FBLN7: variants seen among roughly 807,000 people sequenced by gnomAD.
The protein encoded by FBLN7 is fibulin 7.
Under a neutral mutation model 44.0 loss-of-function variants are expected in FBLN7, and 31 were observed. That is an observed-to-expected ratio of 0.70 (90% CI 0.53 to 0.95). The LOEUF (loss-of-function observed/expected upper bound fraction) is 0.95, where lower values mean the gene tolerates loss of function less well. FBLN7 is among the 40% of genes least tolerant of loss of function. The probability of loss-of-function intolerance (pLI) is 0.00; values close to 1 mark genes in which losing one functional copy is unlikely to be tolerated. For synonymous variants in FBLN7, 262 were observed against 253.4 expected (o/e 1.03, Z -0.32); for missense variants, 573 against 618.5 (o/e 0.93, Z 0.78).
chr2:112,142,412 C>T (rs1680691661), intron 1 of FBLN7, among the ~76,000 whole-genome samples: 1 of 152,182 alleles, frequency 6.6e-6, no homozygotes, highest in South Asian at 2.1e-4. Flanking sequence ...CACTATAGGG[C>T]TCCAGGGGCA....
At chr2:112,167,112 A>C (rs959115374) in intron 3 of FBLN7, among the ~76,000 whole-genome samples, 11 of 152,244 alleles carry the variant, frequency 7.2e-5, no homozygotes, top group African/African-American at 2.4e-4. Context: ...GCGAAAGCAC[A>C]TCTTACTTAT....
At chr2:112,238,299 A>C in the FBLN7 span, 1 of 1,607,748 alleles carries the variant, frequency 6.2e-7, no homozygotes, top group Non-Finnish European at 8.5e-7. Context: ...AAATGATAAA[A>C]TAGTTTGACT....
At chr2:112,150,395 C>T (rs975593638) in intron 1 of FBLN7, among the ~76,000 whole-genome samples, 8 of 152,040 alleles carry the variant, frequency 5.3e-5, no homozygotes, top group Admixed American at 1.3e-4. Flanking sequence ...AAAAAAAATG[C>T]ATCCAGAGAA....
At chr2:112,172,873 A>G (rs1473957712) in intron 3 of FBLN7, among the ~76,000 whole-genome samples, 1 of 151,844 alleles carries the variant, frequency 6.6e-6, no homozygotes, top group Non-Finnish European at 1.5e-5. Context: ...GCCTCAAGTG[A>G]TCCACCCGCC....
At chr2:112,153,629 G>A (rs1019038541) in intron 1 of FBLN7, among the ~76,000 whole-genome samples, 8 of 152,246 alleles carry the variant, frequency 5.3e-5, no homozygotes, top group African/African-American at 1.4e-4. Context: ...TGGATGGGAT[G>A]AGAGGGGTCA....
intron 4 of FBLN7, chr2:112,176,449 C>A (rs905668909): frequency 2.0e-5 from 3 of 152,382 alleles, no homozygotes; most frequent in Admixed American, 1.3e-4. Flanking sequence ...TTTCATTCAG[C>A]CCCAAAGATA....
At chr2:112,232,259 C>T in the FBLN7 span, among the ~76,000 whole-genome samples, 7 of 143,222 alleles carry the variant, frequency 4.9e-5, no homozygotes, top group East Asian at 2.0e-4. Flanking sequence ...GAGGTTGCAG[C>T]GAACCAAGAT....
intron 3 of FBLN7, among the ~76,000 whole-genome samples, chr2:112,169,842 G>A (rs1001479992): frequency 6.6e-6 from 1 of 152,166 alleles, no homozygotes; most frequent in Non-Finnish European, 1.5e-5. Context: ...GAGCAGTTGA[G>A]GGCCTCTGAG....
In FBLN7 at chr2:112,187,893, G is replaced by T; in HGVS notation, c.*387G>T. On this transcript the variant is annotated 3_prime_UTR_variant, in exon 8 of 8. Coordinates refer to ENST00000331203, the MANE Select transcript of FBLN7 (RefSeq NM_153214.3). The surrounding 1 kb of genome is among the most constrained non-coding windows in gnomAD (Gnocchi z 5.1). ...CTATCAGCCCTTCTGCCTTTTTGTA[G>T]CCAGGCTTGCTATGAATGAAACGGT... 3.1e-6 allele frequency: 1 copy of T among 319,078 alleles called. No individual in the cohort carries two copies. The highest frequency in any genetic ancestry group is 5.7e-6 in the Non-Finnish European group (1 of 174,364). 19.8% of individuals were successfully genotyped at this position (319,078 alleles called of 1,614,324 possible).
the FBLN7 span, among the ~76,000 whole-genome samples, chr2:112,224,334 C>G: frequency 6.6e-6 from 1 of 152,164 alleles, no homozygotes; most frequent in Non-Finnish European, 1.5e-5. Flanking sequence ...AAGTCAACAT[C>G]TCTTCCTGAT....
the FBLN7 span, among the ~76,000 whole-genome samples, chr2:112,225,617 G>C: frequency 1.9e-4 from 29 of 152,210 alleles, no homozygotes; most frequent in African/African-American, 7.0e-4. Flanking sequence ...AGGAGTTCGA[G>C]ACCAGCGTGG....
At chr2:112,183,197 G>A (rs1257711669) in intron 6 of FBLN7, among the ~76,000 whole-genome samples, 1 of 152,176 alleles carries the variant, frequency 6.6e-6, no homozygotes, top group South Asian at 2.1e-4. Flanking sequence ...TCAAGGTCTG[G>A]TCAATTCTAC....
At chr2:112,227,832 A>G in the FBLN7 span, among the ~76,000 whole-genome samples, 487 of 152,358 alleles carry the variant, frequency 3.2e-3, no homozygotes, top group Non-Finnish European at 5.2e-3. Context: ...AAATAAATGG[A>G]GAGACATTCC....
rs567625987 is a variant in FBLN7 at position 112,166,602 on chromosome 2, A to G, written c.406+1431A>G. 2.0e-5 allele frequency among the ~76,000 whole-genome samples: 3 copies of G among 152,340 alleles called. No homozygotes were observed. The South Asian group carries it at 6.2e-4, about 32-fold the overall frequency. On this transcript the variant is annotated intron_variant, in intron 3 of 7. Coordinates refer to ENST00000331203, the MANE Select transcript of FBLN7 (RefSeq NM_153214.3). ...GTAACATGCGAACAAAACAGGGGAAATGCCAATATCTGGTATTTACTTACT... is the reference window on the plus strand; with the variant it reads ...GTAACATGCGAACAAAACAGGGGAAGTGCCAATATCTGGTATTTACTTACT...
chr2:112,216,884 A>T, the FBLN7 span, among the ~76,000 whole-genome samples: 2 of 151,666 alleles, frequency 1.3e-5, no homozygotes, highest in Non-Finnish European at 3.0e-5. Flanking sequence ...GAAAACAAAG[A>T]AAACACATTA....
At chr2:112,192,728 G>T (rs1031129282), downstream of FBLN7, among the ~76,000 whole-genome samples, 2 of 152,182 alleles carry the variant, frequency 1.3e-5, no homozygotes, top group African/African-American at 4.8e-5. Context: ...ACCAACCACT[G>T]CCTCAGCTTT....
At position 112,138,619 on chromosome 2, in the gene FBLN7, AT is replaced by A. The variant is rs1558864104; in HGVS notation, c.-34del. ...CAAACTCGGCAGCGGAGGCAAAGTT[AT>A]TTCCCCTCCCAGGCAGCGGGATTCC... On this transcript the variant is annotated 5_prime_UTR_variant, in exon 1 of 8. Transcript: ENST00000331203. The A allele has an allele frequency of 3.1e-6, 5 of 1,608,788 alleles. No individual in the cohort carries two copies. In the South Asian group the frequency reaches 4.4e-5, roughly 14 times the overall value.
chr2:112,214,005 G>A, the FBLN7 span: 109 of 147,718 alleles, frequency 7.4e-4, no homozygotes, highest in African/African-American at 2.5e-3. Context: ...GAGTGCAGTG[G>A]TGCGATCTCA....
intron 3 of FBLN7, among the ~76,000 whole-genome samples, chr2:112,166,586 G>T (rs776018202): frequency 6.6e-6 from 1 of 151,832 alleles, no homozygotes; most frequent in Non-Finnish European, 1.5e-5. Flanking sequence ...TGTAACATGC[G>T]AACAAAACAG....
Sources: allele counts gnomAD v4.1 joint callset (sites outside exome capture counted in the v4.1 genomes callset), GRCh38; gene constraint gnomAD v4.1.1; non-coding constraint Gnocchi (gnomAD v3.1); transcripts MANE v1.5; gene names NCBI Gene and HGNC (gene_info 2026-07-23, HGNC 2026-07-21).